The following FUT8 variants were observed in gnomAD, a reference collection of about 807,000 sequenced individuals.
FUT8 encodes fucosyltransferase 8, also known as alpha-(1,6)-fucosyltransferase.
FUT8 carries 29 observed loss-of-function variants against 71.3 expected under a neutral mutation model. The ratio of observed to expected loss-of-function variants is 0.41; its 90% confidence interval spans 0.30 to 0.55. The LOEUF (loss-of-function observed/expected upper bound fraction) is 0.55, where lower values mean the gene tolerates loss of function less well. FUT8 is among the 20% of genes least tolerant of loss of function. The pLI is 0.34. For missense variants in FUT8, 544 were observed against 702.1 expected, an observed-to-expected ratio of 0.77 and a Z score of 2.55; for synonymous variants, 254 against 239.3, an observed-to-expected ratio of 1.06 and a Z score of -0.57.
rs143446940 is a variant in FUT8 at position 65,568,476 on chromosome 14, A to G, written c.203+6710A>G. On this transcript the variant is annotated intron_variant, in intron 3 of 10. Transcript: ENST00000673929. ...TGTATTCCATAAGTTTTGATATTCT[A>G]TTTTTGTCATTAATTTAAAATACTT... 2.9e-3 allele frequency among the ~76,000 whole-genome samples: 441 copies of G among 149,936 alleles called. 1 individual carries two copies. Among genetic ancestry groups the G allele is most frequent in the African/African-American group, 9.9e-3 (404 of 40,966 alleles).
chr14:65,490,713 A>C (rs2066469730), intron 2 of FUT8, among the ~76,000 whole-genome samples: 1 of 152,078 alleles, frequency 6.6e-6, no homozygotes, highest in South Asian at 2.1e-4. Flanking sequence ...CAGAGCTTTG[A>C]TCTGGGGAGT....
chr14:65,595,758 G>A (rs150031113), intron 3 of FUT8, among the ~76,000 whole-genome samples: 1,553 of 151,802 alleles, frequency 0.01, 10 homozygotes, highest in Non-Finnish European at 0.016. Flanking sequence ...ACAGGCACCC[G>A]CCACCACCCC....
chr14:65,678,643 A>G (rs1184139266), intron 7 of FUT8, among the ~76,000 whole-genome samples: 1 of 152,214 alleles, frequency 6.6e-6, no homozygotes, highest in East Asian at 1.9e-4. Context: ...AAGCAAAAAT[A>G]GGCCCCTGTG....
At chr14:65,549,279 A>G (rs2139996406) in intron 2 of FUT8, among the ~76,000 whole-genome samples, 1 of 152,114 alleles carries the variant, frequency 6.6e-6, no homozygotes, top group Middle Eastern at 3.4e-3. Context: ...ATTTTTGAAT[A>G]TATTTTTACT....
rs2140304042 is a variant in FUT8 at position 65,643,908 on chromosome 14, T to C, written c.597+14302T>C. ...GAAAGTAATTTTCTCTTTCTAGAAA[T>C]ATGCCTCATTTTTTTCAAGAAATGG... On this transcript the variant is annotated intron_variant, in intron 6 of 10. Transcript: ENST00000673929. This position sits in a 1 kb window ranked among gnomAD's most constrained non-coding sequence, Gnocchi z 4.5. 6.6e-6 allele frequency among the ~76,000 whole-genome samples: 1 copy of C among 152,312 alleles called. No homozygotes were observed. Among genetic ancestry groups the C allele is most frequent in the African/African-American group, 2.4e-5 (1 of 41,568 alleles).
At chr14:65,362,787 C>T in the FUT8 span, among the ~76,000 whole-genome samples, 2 of 151,628 alleles carry the variant, frequency 1.3e-5, no homozygotes, top group Non-Finnish European at 2.9e-5. Context: ...ATGGTGAAAA[C>T]CCGTCTCTAC....
intron 3 of FUT8, among the ~76,000 whole-genome samples, chr14:65,602,561 G>T (rs1397075982): frequency 6.6e-6 from 1 of 151,434 alleles, no homozygotes; most frequent in Non-Finnish European, 1.5e-5. Context: ...GGATCAAATG[G>T]TAGTTCTATT....
upstream of FUT8, chr14:65,411,911 C>G: frequency 2.6e-6 from 1 of 384,978 alleles, no homozygotes; most frequent in Non-Finnish European, 5.1e-6. Flanking sequence ...TCCCGCTCAG[C>G]TGGCGGTCTG....
At chr14:65,730,412 G>A (rs1219107671) in intron 9 of FUT8, among the ~76,000 whole-genome samples, 2 of 152,180 alleles carry the variant, frequency 1.3e-5, no homozygotes, top group African/African-American at 2.4e-5. Flanking sequence ...AGTGGCTCAC[G>A]ATTGTAATCC....
intron 3 of FUT8, among the ~76,000 whole-genome samples, chr14:65,609,991 G>T (rs1888799776): frequency 6.6e-6 from 1 of 151,616 alleles, no homozygotes; most frequent in Admixed American, 6.6e-5. Context: ...TAATAATGTG[G>T]TTTAAAATAT....
chr14:65,522,392 G>A (rs1433403007), intron 2 of FUT8, among the ~76,000 whole-genome samples: 1 of 151,938 alleles, frequency 6.6e-6, no homozygotes, highest in Non-Finnish European at 1.5e-5. Context: ...GAAGAGAATA[G>A]GAGTTTGAAA....
intron 10 of FUT8, among the ~76,000 whole-genome samples, chr14:65,733,918 G>C (rs770488422): frequency 2.0e-5 from 3 of 152,128 alleles, no homozygotes; most frequent in Non-Finnish European, 4.4e-5. Context: ...ATCTTTGTTT[G>C]AATTTAATTG....
intron 7 of FUT8, among the ~76,000 whole-genome samples, chr14:65,696,764 T>A (rs889173090): frequency 6.6e-6 from 1 of 152,198 alleles, no homozygotes; most frequent in African/African-American, 2.4e-5. Context: ...TTCTTTTAAT[T>A]CAGTTTTGTA....
intron 1 of FUT8, among the ~76,000 whole-genome samples, chr14:65,452,511 G>A (rs1159422111): frequency 6.6e-6 from 1 of 152,230 alleles, no homozygotes; most frequent in Non-Finnish European, 1.5e-5. Flanking sequence ...AGATTTCTCT[G>A]TATTGAAGAG....
intron 3 of FUT8, among the ~76,000 whole-genome samples, chr14:65,590,666 A>C (rs1447574178): frequency 6.6e-6 from 1 of 152,210 alleles, no homozygotes; most frequent in Non-Finnish European, 1.5e-5. Flanking sequence ...TCCATAGAAA[A>C]TAAAGGGTTC....
chr14:65,604,085 C>T (rs1045570863), intron 3 of FUT8, among the ~76,000 whole-genome samples: 2 of 151,718 alleles, frequency 1.3e-5, no homozygotes, highest in East Asian at 3.8e-4. Flanking sequence ...ACACCTAACA[C>T]TAGCGCTCCC....
chr14:65,466,449 A>G (rs958208606), intron 2 of FUT8, among the ~76,000 whole-genome samples: 8 of 152,294 alleles, frequency 5.3e-5, no homozygotes, highest in African/African-American at 1.9e-4. Flanking sequence ...AATTATACTT[A>G]ATTTAAAATT....
At chr14:65,595,791 A>G (rs1887946048) in intron 3 of FUT8, among the ~76,000 whole-genome samples, 1 of 151,730 alleles carries the variant, frequency 6.6e-6, no homozygotes, top group Non-Finnish European at 1.5e-5. Flanking sequence ...TTGTATTTTT[A>G]GTAGAGACGG....
intron 6 of FUT8, among the ~76,000 whole-genome samples, chr14:65,631,224 A>G (rs945879918): frequency 1.3e-5 from 2 of 152,186 alleles, no homozygotes; most frequent in Non-Finnish European, 2.9e-5. Flanking sequence ...CTTATTTAAA[A>G]TGGAAATAAC....
Sources: gnomAD v4.1 joint callset for allele counts (sites outside exome capture counted in the v4.1 genomes callset) on GRCh38, gnomAD v4.1.1 for gene constraint, Gnocchi (gnomAD v3.1) non-coding constraint, MANE v1.5 for transcripts, NCBI Gene and HGNC (gene_info 2026-07-23, HGNC 2026-07-21) for gene names.